The following FAM200C variants were observed in gnomAD, a reference collection of about 807,000 sequenced individuals.
At chr5:160,394,455 T>A in the FAM200C span, 1 of 1,613,936 alleles carries the variant, frequency 6.2e-7, no homozygotes, top group Non-Finnish European at 8.5e-7. Context: ...TCTTCATACA[T>A]TTCAAAAATG....
chr5:160,399,098 T>C, the FAM200C span, among the ~76,000 whole-genome samples: 2 of 152,242 alleles, frequency 1.3e-5, no homozygotes, highest in African/African-American at 4.8e-5. Context: ...TCTATTTTAA[T>C]GTATTTTGGA....
the FAM200C span, among the ~76,000 whole-genome samples, chr5:160,397,106 C>T: frequency 3.9e-5 from 6 of 152,134 alleles, no homozygotes; most frequent in African/African-American, 1.4e-4. Flanking sequence ...TATACACGTC[C>T]CTGCACTACC....
chr5:160,393,608 T>C, the FAM200C span: 1 of 908,936 alleles, frequency 1.1e-6, no homozygotes, highest in Non-Finnish European at 1.7e-6. Context: ...TTTTTAGACA[T>C]AGAATTCAGT....
At chr5:160,394,701 G>A in the FAM200C span, 8 of 1,614,128 alleles carry the variant, frequency 5.0e-6, no homozygotes, top group East Asian at 6.7e-5. Context: ...ACGATATGAG[G>A]TATCTCTTTT....
the FAM200C span, chr5:160,395,486 G>C: frequency 6.2e-7 from 1 of 1,613,148 alleles, no homozygotes. Flanking sequence ...GCGTTTCTTC[G>C]ACATGGCACA....
chr5:160,394,386 CTT>C, the FAM200C span: 2 of 1,613,578 alleles, frequency 1.2e-6, no homozygotes, highest in Non-Finnish European at 1.7e-6. Context: ...ATTTTAAACT[CTT>C]TATTTTCAAA....
chr5:160,394,803 G>A, the FAM200C span: 3 of 1,613,692 alleles, frequency 1.9e-6, no homozygotes, highest in Non-Finnish European at 2.5e-6. Context: ...GCTATCTTAT[G>A]CTTCAGAAAG....
the FAM200C span, chr5:160,394,684 T>C: frequency 6.2e-7 from 1 of 1,614,176 alleles, no homozygotes. Context: ...ATAAACAATG[T>C]GTAACTACGA....
the FAM200C span, chr5:160,393,689 T>C: frequency 6.7e-7 from 1 of 1,486,122 alleles, no homozygotes; most frequent in Non-Finnish European, 9.1e-7. Context: ...AATTATTCAT[T>C]AAAAAAGTAT....
chr5:160,396,309 T>C, the FAM200C span, among the ~76,000 whole-genome samples: 2 of 152,194 alleles, frequency 1.3e-5, no homozygotes, highest in African/African-American at 2.4e-5. Context: ...TTGAGCAGTT[T>C]TGACTCCAAC....
chr5:160,394,611 C>T, the FAM200C span: 1 of 1,614,160 alleles, frequency 6.2e-7, no homozygotes, highest in Non-Finnish European at 8.5e-7. Flanking sequence ...ACCCTCACCA[C>T]AGTAAACAGA....
chr5:160,393,640 CAG>C, the FAM200C span: 10 of 1,179,386 alleles, frequency 8.5e-6, no homozygotes, highest in East Asian at 2.3e-4. Context: ...ATGAAAGAGA[CAG>C]AATTACAGCT....
the FAM200C span, chr5:160,395,488 C>G: frequency 6.2e-5 from 100 of 1,612,888 alleles, no homozygotes; most frequent in South Asian, 1.0e-3. Flanking sequence ...GTTTCTTCGA[C>G]ATGGCACACA....
At chr5:160,394,766 G>A in the FAM200C span, 4 of 1,614,086 alleles carry the variant, frequency 2.5e-6, no homozygotes, top group Non-Finnish European at 3.4e-6. Context: ...GGCACCATCA[G>A]TACAAACAGA....
chr5:160,398,329 C>T, the FAM200C span, among the ~76,000 whole-genome samples: 1 of 152,188 alleles, frequency 6.6e-6, no homozygotes, highest in Non-Finnish European at 1.5e-5. Flanking sequence ...GAAGGCGGAT[C>T]ACCTGAGGTC....
At chr5:160,399,842 C>A in the FAM200C span, 1 of 152,226 alleles carries the variant, frequency 6.6e-6, no homozygotes, top group African/African-American at 2.4e-5. Flanking sequence ...GAGGCGCAGG[C>A]CTATGGGATG....
At chr5:160,397,383 C>T in the FAM200C span, 2 of 152,212 alleles carry the variant, frequency 1.3e-5, no homozygotes, top group African/African-American at 4.8e-5. Context: ...CATATCTTTT[C>T]TCTTTCTCTC....
At chr5:160,395,158 T>C in the FAM200C span, 4 of 1,613,954 alleles carry the variant, frequency 2.5e-6, no homozygotes, top group Non-Finnish European at 3.4e-6. Flanking sequence ...ACTTTTCAGC[T>C]ACTGTATGAG....
At chr5:160,395,314 A>G in the FAM200C span, 1 of 1,614,102 alleles carries the variant, frequency 6.2e-7, no homozygotes, top group African/African-American at 1.3e-5. Context: ...GATCATGCCC[A>G]GCTACACCAC....
Sources: allele counts gnomAD v4.1 joint callset (sites outside exome capture counted in the v4.1 genomes callset), GRCh38; gene constraint gnomAD v4.1.1; transcripts MANE v1.5.